PSPC1: variants seen among roughly 807,000 people sequenced by gnomAD.
The protein encoded by PSPC1 is paraspeckle protein 1.
In PSPC1, 14 loss-of-function variants were observed where a neutral mutation model predicts 51.6. That is an observed-to-expected ratio of 0.27 (90% CI 0.18 to 0.42). PSPC1 has a LOEUF of 0.42. Ranked by LOEUF, PSPC1 falls within the 10% of genes least tolerant of loss-of-function variation. The probability of loss-of-function intolerance (pLI) is 1.00; values close to 1 mark genes in which losing one functional copy is unlikely to be tolerated. For synonymous variants in PSPC1, 193 were observed against 231.9 expected (o/e 0.83, Z 1.53); for missense variants, 406 against 701.1 (o/e 0.58, Z 4.75).
At chr13:19,727,423 T>C (rs1365938620) in intron 6 of PSPC1, among the ~76,000 whole-genome samples, 1 of 151,908 alleles carries the variant, frequency 6.6e-6, no homozygotes, top group African/African-American at 2.4e-5. Flanking sequence ...AAAAGAAACT[T>C]CTCAAATTTT....
chr13:19,760,204 G>GT (rs1287026391), intron 2 of PSPC1, among the ~76,000 whole-genome samples: 4 of 152,072 alleles, frequency 2.6e-5, no homozygotes, highest in Non-Finnish European at 5.9e-5. Flanking sequence ...CAGTTTCCCT[G>GT]TATCTATCAG....
chr13:19,696,499 GCACACACACA>G (rs34350489), intron 6 of PSPC1, among the ~76,000 whole-genome samples: 4 of 147,554 alleles, frequency 2.7e-5, no homozygotes, highest in African/African-American at 9.9e-5. Context: ...ACACACACAC[GCACACACACA>G]CACACATACG....
intron 6 of PSPC1, among the ~76,000 whole-genome samples, chr13:19,691,368 CT>C (rs1293302263): frequency 1.3e-5 from 2 of 151,220 alleles, no homozygotes; most frequent in East Asian, 2.0e-4. Context: ...GTTTCTATAA[CT>C]TTTTTTTTAA....
Position 19,782,328 on chromosome 13 carries a change from G to A in PSPC1, c.372+58C>T. The A allele has an allele frequency of 6.6e-7, 1 of 1,516,532 alleles. No individual in the cohort carries two copies. Among genetic ancestry groups the A allele is most frequent in the South Asian group, 1.3e-5 (1 of 77,696 alleles). 93.9% of individuals were successfully genotyped at this position (1,516,532 alleles called of 1,614,324 possible). On this transcript the variant is annotated intron_variant, in intron 1 of 8. Coordinates refer to ENST00000338910, the MANE Select transcript of PSPC1 (RefSeq NM_001354909.2). This position sits in a 1 kb window ranked among gnomAD's most constrained non-coding sequence, Gnocchi z 4.5. ...AGGACGAGGCTGGCCTCAGCCCCAC[G>A]ACCCCGCGGCCACCCCGACAGTCCT... is the stretch of plus-strand genomic sequence containing the variant.
chr13:19,706,408 T>A (rs188879536), intron 7 of PSPC1, among the ~76,000 whole-genome samples: 62 of 152,168 alleles, frequency 4.1e-4, no homozygotes, highest in African/African-American at 1.5e-3. Flanking sequence ...AACTTTTTAT[T>A]TTGAAATATG....
At chr13:19,697,291 C>T (rs1879376739) in intron 6 of PSPC1, among the ~76,000 whole-genome samples, 1 of 152,162 alleles carries the variant, frequency 6.6e-6, no homozygotes, top group African/African-American at 2.4e-5. Flanking sequence ...ATGAGCCTCC[C>T]AGGTGATTCT....
At chr13:19,705,102 A>C (rs190539401) in intron 8 of PSPC1, among the ~76,000 whole-genome samples, 19 of 152,336 alleles carry the variant, frequency 1.2e-4, no homozygotes, top group African/African-American at 4.6e-4. Flanking sequence ...GAAACAAATT[A>C]AAAAGCACAG....
At chr13:19,772,584 C>T in intron 1 of PSPC1, 41 bp from the exon 2 acceptor site, 1 of 1,540,180 alleles carries the variant, frequency 6.5e-7, no homozygotes, top group Non-Finnish European at 8.7e-7. Flanking sequence ...ATGACAGTAA[C>T]AGAAAAAATT....
intron 4 of PSPC1, among the ~76,000 whole-genome samples, chr13:19,748,721 G>A (rs12864385): frequency 0.8 from 116,918 of 145,950 alleles, 48,198 homozygotes; most frequent in East Asian, 0.96. Context: ...AATCAACATT[G>A]TTATCTAACT....
chr13:19,687,260 G>A (rs1161840952), intron 6 of PSPC1, among the ~76,000 whole-genome samples: 1 of 151,918 alleles, frequency 6.6e-6, no homozygotes, highest in Non-Finnish European at 1.5e-5. Flanking sequence ...CATTTCTTTG[G>A]GATGTGCATT....
Position 19,775,724 on chromosome 13 carries a change from C to G in PSPC1, c.373-3181G>C, listed in dbSNP as rs1213423712. Among the ~76,000 whole-genome samples, 8 of 152,164 alleles carry G rather than the reference C, an allele frequency of 5.3e-5. No individual in the cohort carries two copies. In the East Asian group the frequency reaches 1.5e-3, roughly 29 times the overall value. On this transcript the variant is annotated intron_variant, in intron 1 of 8. Coordinates refer to ENST00000338910, the MANE Select transcript of PSPC1 (RefSeq NM_001354909.2). The stretch of plus-strand genomic sequence containing the variant: ...CCTAATACATCATATAATCCAACAA[C>G]TCTTAAGAGGTAGACTTTAGAAACA...
Position 19,782,658 on chromosome 13 carries a change from C to T in PSPC1, c.100G>A (p.Ala34Thr). The change falls in exon 1 of 9, where the codon GCG (alanine) becomes ACG (threonine). Residue 34 changes from alanine to threonine, a missense_variant. Ala to Thr is a moderately conservative substitution (Grantham distance 58). Coordinates refer to ENST00000338910, the MANE Select transcript of PSPC1 (RefSeq NM_001354909.2). This position sits in a 1 kb window ranked among gnomAD's most constrained non-coding sequence, Gnocchi z 4.5. ...GCAAGAGCGAGCGCCATGGCTGCCGCGGCCGCCGGCTCGCTCTCGCCCACC... is the reference window on the plus strand; with the variant it reads ...GCAAGAGCGAGCGCCATGGCTGCCGTGGCCGCCGGCTCGCTCTCGCCCACC... The part of the protein sequence containing the change: ...SAVGESEPAA[A>T]AAMALALAGE... The T allele has an allele frequency of 1.3e-6, 2 of 1,550,768 alleles. No individual in the cohort carries two copies. Among genetic ancestry groups the T allele is most frequent in the South Asian group, 1.2e-5 (1 of 83,860 alleles).
At chr13:19,724,759 G>A (rs150479726) in intron 6 of PSPC1, among the ~76,000 whole-genome samples, 2 of 152,128 alleles carry the variant, frequency 1.3e-5, no homozygotes, top group Admixed American at 6.6e-5. Flanking sequence ...CACCACTTTG[G>A]GAGGCCGAGC....
chr13:19,757,079 G>C (rs548560322), intron 3 of PSPC1, among the ~76,000 whole-genome samples: 1 of 149,682 alleles, frequency 6.7e-6, no homozygotes, highest in South Asian at 2.1e-4. Context: ...GCAGTGAGCT[G>C]AGATCGTGCC....
chr13:19,717,397 A>G (rs1312686251), intron 6 of PSPC1, among the ~76,000 whole-genome samples: 1 of 150,114 alleles, frequency 6.7e-6, no homozygotes, highest in Non-Finnish European at 1.5e-5. Context: ...GAAACCCCAT[A>G]AATACTAAAA....
chr13:19,741,224 T>C (rs958175917), intron 5 of PSPC1, among the ~76,000 whole-genome samples: 1 of 152,136 alleles, frequency 6.6e-6, no homozygotes, highest in African/African-American at 2.4e-5. Context: ...CATAAAGATA[T>C]TCATAGTAGA....
chr13:19,767,493 A>G (rs1406059377), intron 2 of PSPC1, among the ~76,000 whole-genome samples: 5 of 152,172 alleles, frequency 3.3e-5, no homozygotes, highest in Non-Finnish European at 5.9e-5. Flanking sequence ...TACAATAAGC[A>G]AATACAAAGA....
At chr13:19,779,209 G>A (rs1889584959) in intron 1 of PSPC1, among the ~76,000 whole-genome samples, 2 of 87,114 alleles carry the variant, frequency 2.3e-5, no homozygotes, top group East Asian at 4.9e-4. Context: ...GAGCCTCTCC[G>A]CCCGGCAGCC....
intron 6 of PSPC1, among the ~76,000 whole-genome samples, chr13:19,682,485 G>GAAAAAAA (rs1877373587): frequency 2.1e-5 from 1 of 48,180 alleles, no homozygotes. Context: ...TGGCTGAATG[G>GAAAAAAA]CAAAAAAAAA....
Sources: gnomAD v4.1 joint callset for allele counts (sites outside exome capture counted in the v4.1 genomes callset) on GRCh38, gnomAD v4.1.1 for gene constraint, Gnocchi (gnomAD v3.1) non-coding constraint, MANE v1.5 for transcripts, NCBI Gene and HGNC (gene_info 2026-07-23, HGNC 2026-07-21) for gene names.